The following THAP2 variants were observed in gnomAD, a reference collection of about 807,000 sequenced individuals.
The protein encoded by THAP2 is THAP domain-containing protein 2.
In THAP2, 16 loss-of-function variants were observed where a neutral mutation model predicts 18.8. The observed-to-expected ratio is 0.85, with a 90% CI of 0.58 to 1.29. The LOEUF (loss-of-function observed/expected upper bound fraction) is 1.29, where lower values mean the gene tolerates loss of function less well. THAP2 is among the 50% of genes most tolerant of loss of function. THAP2 has a pLI of 0.00. For synonymous variants in THAP2, 80 were observed against 89.2 expected (o/e 0.90, Z 0.58); for missense variants, 251 against 265.3 (o/e 0.95, Z 0.38).
chr12:71,670,476 A>G (rs544806953), intron 1 of THAP2, among the ~76,000 whole-genome samples: 8 of 152,314 alleles, frequency 5.3e-5, no homozygotes, highest in Admixed American at 1.3e-4. Flanking sequence ...TTAGGGGTGC[A>G]GAAGCTCCCT....
chr12:71,670,732 A>G (rs1881422495), intron 1 of THAP2, among the ~76,000 whole-genome samples: 1 of 152,094 alleles, frequency 6.6e-6, no homozygotes, highest in Admixed American at 6.6e-5. Flanking sequence ...TGAGGTCAGG[A>G]GTTCAAGACC....
At chr12:71,670,795 C>A (rs957629792) in intron 1 of THAP2, among the ~76,000 whole-genome samples, 35 of 151,512 alleles carry the variant, frequency 2.3e-4, no homozygotes, top group African/African-American at 8.2e-4. Context: ...AAAAATTAAG[C>A]GTGCGTGGTG....
Position 71,680,302 on chromosome 12 carries a change from C to CTA in THAP2, c.*3194_*3195insTA, listed in dbSNP as rs1265744668. ...GCCAACAAATCCTCTCTGCTGTTCA[C>CTA]ATTATCCTTTGTTTAACGTATGAAC... On this transcript the variant is annotated 3_prime_UTR_variant, in exon 3 of 3. Coordinates refer to ENST00000308086, the MANE Select transcript of THAP2 (RefSeq NM_031435.4). 2.0e-5 allele frequency: 3 copies of CTA among 152,408 alleles called. No individual in the cohort carries two copies. Among genetic ancestry groups the CTA allele is most frequent in the Admixed American group, 6.5e-5 (1 of 15,280 alleles). The allele number at this position is 152,408 out of a possible 1,614,324, so 9.4% of individuals were successfully genotyped here.
chr12:71,676,611 T>C, intron 2 of THAP2, 78 bp from the exon 3 acceptor site: 1 of 1,441,846 alleles, frequency 6.9e-7, no homozygotes, highest in Middle Eastern at 2.1e-4. Flanking sequence ...TAAATACTGT[T>C]ATCCAAAACT....
chr12:71,669,142 C>T (rs957127648), intron 1 of THAP2, among the ~76,000 whole-genome samples: 6 of 152,202 alleles, frequency 3.9e-5, no homozygotes, highest in Non-Finnish European at 7.3e-5. Context: ...ATGCTAGATA[C>T]TATGCTAGAC....
Position 71,679,473 on chromosome 12 carries a change from A to G in THAP2, c.*2365A>G, listed in dbSNP as rs751683742. 42 of 152,046 alleles carry G rather than the reference A, an allele frequency of 2.8e-4. No homozygotes were observed. Among genetic ancestry groups the G allele is most frequent in the Non-Finnish European group, 5.4e-4 (37 of 67,976 alleles). The allele number at this position is 152,046 out of a possible 1,614,324, so 9.4% of individuals were successfully genotyped here. On this transcript the variant is annotated 3_prime_UTR_variant, in exon 3 of 3. Transcript: ENST00000308086. ...AGTTTTTTTTTTAATCACTCTGACC[A>G]TAAACTAACTGAAATTATAATGGAT...
At position 71,674,186 on chromosome 12, in the gene THAP2, ATTT is replaced by A; in HGVS notation, c.72-6_72-4del. The A allele has an allele frequency of 3.0e-6, 4 of 1,351,276 alleles. No individual in the cohort carries two copies. The highest frequency in any genetic ancestry group is 3.0e-6 in the Non-Finnish European group (3 of 999,576). The allele number at this position is 1,351,276 out of a possible 1,614,324, so 83.7% of individuals were successfully genotyped here. On this transcript the variant is annotated splice_polypyrimidine_tract_variant and intron_variant, in intron 1 of 2. Coordinates refer to ENST00000308086, the MANE Select transcript of THAP2 (RefSeq NM_031435.4). ...TTATGATAGTTGGAATTTGAGTTGC[ATTT>A]TTTTTTTTTTAAGGTTTCCTTTGGA...
chr12:71,671,858 TG>T (rs1198848412), intron 1 of THAP2, among the ~76,000 whole-genome samples: 1 of 152,144 alleles, frequency 6.6e-6, no homozygotes, highest in Non-Finnish European at 1.5e-5. Context: ...GACTGGATCT[TG>T]GTGGCCAGGG....
At chr12:71,674,557 G>T (rs551662027) in intron 2 of THAP2, among the ~76,000 whole-genome samples, 159 bp downstream of exon 2, 1 of 151,868 alleles carries the variant, frequency 6.6e-6, no homozygotes, top group East Asian at 1.9e-4. Flanking sequence ...TCAGAGTTTG[G>T]GTCTCCTGAC....
chr12:71,670,751 C>T (rs1185937508), intron 1 of THAP2, among the ~76,000 whole-genome samples: 2 of 151,770 alleles, frequency 1.3e-5, no homozygotes, highest in Admixed American at 1.3e-4. Flanking sequence ...CCAGCCTGGC[C>T]AACATGGTGA....
At chr12:71,670,977 A>T (rs1264725021) in intron 1 of THAP2, among the ~76,000 whole-genome samples, 1 of 151,312 alleles carries the variant, frequency 6.6e-6, no homozygotes, top group African/African-American at 2.4e-5. Flanking sequence ...TATATTTACT[A>T]TTGATTACGT....
In THAP2 at chr12:71,677,358, TTTTTTG is replaced by T. The variant is rs1881538292; in HGVS notation, c.*258_*263del. On this transcript the variant is annotated 3_prime_UTR_variant, in exon 3 of 3. Coordinates refer to ENST00000308086, the MANE Select transcript of THAP2 (RefSeq NM_031435.4). ...TAATAAATTGTGTGTTTGAAAGGTG[TTTTTTG>T]TTTTTGTCTTTTTAAACTACTGTTA... is the stretch of plus-strand genomic sequence containing the variant. The T allele has an allele frequency of 1.1e-5, 3 of 271,958 alleles. No individual in the cohort carries two copies. In the South Asian group the frequency reaches 3.2e-4, roughly 29 times the overall value. 16.8% of individuals were successfully genotyped at this position (271,958 alleles called of 1,614,324 possible). A position where few individuals can be genotyped will look rare whatever the true frequency, so the allele number is the denominator to read the frequency against.
rs1256337475 is a variant in THAP2 at position 71,678,822 on chromosome 12, A to G, written c.*1714A>G. The G allele has an allele frequency of 6.6e-6, 1 of 152,174 alleles. No individual in the cohort carries two copies. The highest frequency in any genetic ancestry group is 1.5e-5 in the Non-Finnish European group (1 of 68,016). The allele number at this position is 152,174 out of a possible 1,614,324, so 9.4% of individuals were successfully genotyped here. A position where few individuals can be genotyped will look rare whatever the true frequency, so the allele number is the denominator to read the frequency against. On this transcript the variant is annotated 3_prime_UTR_variant, in exon 3 of 3. Coordinates refer to ENST00000308086, the MANE Select transcript of THAP2 (RefSeq NM_031435.4). ...TTAGAATGCCCATGAGGTATTTAAA[A>G]CAGATATTTATGAAAATCTTTTTGT...
intron 2 of THAP2, 137 bp downstream of exon 2, chr12:71,674,535 T>C: frequency 1.5e-6 from 1 of 658,070 alleles, no homozygotes; most frequent in Non-Finnish European, 2.3e-6. Context: ...ACAGTAAAGG[T>C]ACAGGCTAGA....
Position 71,675,885 on chromosome 12 carries a change from A to G in THAP2, c.268-804A>G, listed in dbSNP as rs28588407. Among the ~76,000 whole-genome samples, 436 of 152,202 alleles carry G rather than the reference A, an allele frequency of 2.9e-3. 4 individuals carry two copies. The highest frequency in any genetic ancestry group is 0.01 in the African/African-American group (420 of 41,556). The stretch of plus-strand genomic sequence containing the variant: ...TATTCTTATGGCAGAATGTGGATTA[A>G]TGAGGATCAAAATGAAGTGGAGAGA... On this transcript the variant is annotated intron_variant, in intron 2 of 2. Coordinates refer to ENST00000308086, the MANE Select transcript of THAP2 (RefSeq NM_031435.4).
In THAP2 at chr12:71,664,452, G is replaced by A; in HGVS notation, c.-58G>A. The A allele has an allele frequency of 1.3e-6, 2 of 1,598,994 alleles. No homozygotes were observed. The highest frequency in any genetic ancestry group is 2.2e-5 in the South Asian group (2 of 90,642). On this transcript the variant is annotated 5_prime_UTR_variant, in exon 1 of 3. Coordinates refer to ENST00000308086, the MANE Select transcript of THAP2 (RefSeq NM_031435.4). Reference sequence around the variant, plus strand: ...ATTGTCCAGCCTCTGCCAGAAGAAAGCTTAGCAGCCAGCGCCTCAGTAGAG... The same window carrying A: ...ATTGTCCAGCCTCTGCCAGAAGAAAACTTAGCAGCCAGCGCCTCAGTAGAG...
rs141752372 is a variant in THAP2 at position 71,678,474 on chromosome 12, A to G, written c.*1366A>G. On this transcript the variant is annotated 3_prime_UTR_variant, in exon 3 of 3. Coordinates refer to ENST00000308086, the MANE Select transcript of THAP2 (RefSeq NM_031435.4). ...ACAATTAAAGGGTTTGCTTTATTTC[A>G]CTAATGTTTAATAGGAACCCTTTGC... 2.7e-4 allele frequency: 41 copies of G among 152,714 alleles called. No homozygotes were observed. In the East Asian group the frequency reaches 6.6e-3, roughly 24 times the overall value. 9.5% of individuals were successfully genotyped at this position (152,714 alleles called of 1,614,324 possible).
In THAP2 at chr12:71,680,584, T is replaced by C. The variant is rs1264143561; in HGVS notation, c.*3476T>C. 1 of 152,512 alleles carries C rather than the reference T, an allele frequency of 6.6e-6. No homozygotes were observed. The highest frequency in any genetic ancestry group is 1.5e-5 in the Non-Finnish European group (1 of 68,024). The allele number at this position is 152,512 out of a possible 1,614,324, so 9.4% of individuals were successfully genotyped here. On this transcript the variant is annotated 3_prime_UTR_variant, in exon 3 of 3. Coordinates refer to ENST00000308086, the MANE Select transcript of THAP2 (RefSeq NM_031435.4). The stretch of plus-strand genomic sequence containing the variant: ...GGATTTTGTAGTGTATACTAAATAA[T>C]TGCATATTCAAAAAAATGTATTCTG...
Position 71,679,638 on chromosome 12 carries a change from T to C in THAP2, c.*2530T>C, listed in dbSNP as rs1432051192. ...TATTACATTATTTTCTGCCCTCAAGTTGCTCTATCTCCTGAAAGAAACAAG... is the reference window on the plus strand; with the variant it reads ...TATTACATTATTTTCTGCCCTCAAGCTGCTCTATCTCCTGAAAGAAACAAG... On this transcript the variant is annotated 3_prime_UTR_variant, in exon 3 of 3. Transcript: ENST00000308086. 1 of 152,162 alleles carries C rather than the reference T, an allele frequency of 6.6e-6. No individual in the cohort carries two copies. Among genetic ancestry groups the C allele is most frequent in the Non-Finnish European group, 1.5e-5 (1 of 67,996 alleles). The allele number at this position is 152,162 out of a possible 1,614,324, so 9.4% of individuals were successfully genotyped here.
Sources: allele counts gnomAD v4.1 joint callset (sites outside exome capture counted in the v4.1 genomes callset), GRCh38; gene constraint gnomAD v4.1.1; transcripts MANE v1.5; gene names NCBI Gene and HGNC (gene_info 2026-07-23, HGNC 2026-07-21).